The following GRID1 variants were observed in gnomAD, a reference collection of about 807,000 sequenced individuals.
The protein encoded by GRID1 is glutamate ionotropic receptor delta type subunit 1, also known as glutamate receptor ionotropic, delta-1.
In GRID1, 28 loss-of-function variants were observed where a neutral mutation model predicts 98.0. The ratio of observed to expected loss-of-function variants is 0.29; its 90% CI spans 0.21 to 0.39. The LOEUF (loss-of-function observed/expected upper bound fraction) is 0.39, where lower values mean the gene tolerates loss of function less well. GRID1 is among the 10% of genes least tolerant of loss of function. The pLI, the probability that GRID1 is intolerant of heterozygous loss-of-function variation, is 1.00. For missense variants in GRID1, 1,111 were observed against 1,340.5 expected, an observed-to-expected ratio of 0.83 and a Z score of 2.67; for synonymous variants, 553 against 538.5, an observed-to-expected ratio of 1.03 and a Z score of -0.37.
At chr10:86,273,564 T>C (rs1156651433) in intron 2 of GRID1, among the ~76,000 whole-genome samples, 1 of 150,946 alleles carries the variant, frequency 6.6e-6, no homozygotes, top group Non-Finnish European at 1.5e-5. Context: ...CCACATCCTC[T>C]CCAGCACCTG....
chr10:86,132,227 G>A (rs2131967267), intron 4 of GRID1, among the ~76,000 whole-genome samples: 1 of 152,194 alleles, frequency 6.6e-6, no homozygotes, highest in East Asian at 1.9e-4. Flanking sequence ...AGGATGGTGG[G>A]GACAGAGGAG....
chr10:86,187,318 A>G (rs1845738961), intron 3 of GRID1, among the ~76,000 whole-genome samples: 1 of 152,158 alleles, frequency 6.6e-6, no homozygotes, highest in South Asian at 2.1e-4. Context: ...AGCTCTCTAT[A>G]CCTTACAAGA....
chr10:85,609,619 C>G (rs1259021268), intron 15 of GRID1, among the ~76,000 whole-genome samples: 2 of 152,216 alleles, frequency 1.3e-5, no homozygotes, highest in African/African-American at 4.8e-5. Flanking sequence ...ACAGCCAGAA[C>G]AGAGGGGCCA....
chr10:86,153,954 GCT>G (rs1845206985), intron 3 of GRID1, among the ~76,000 whole-genome samples: 2 of 152,130 alleles, frequency 1.3e-5, no homozygotes, highest in Admixed American at 6.5e-5. Context: ...CCATCCTCGG[GCT>G]GATCCATCAC....
At chr10:85,686,225 C>A (rs899399076) in intron 12 of GRID1, among the ~76,000 whole-genome samples, 1 of 152,124 alleles carries the variant, frequency 6.6e-6, no homozygotes, top group Non-Finnish European at 1.5e-5. Flanking sequence ...CATACACAGC[C>A]TGCTTATGTG....
At chr10:86,164,061 T>C (rs950169361) in intron 3 of GRID1, among the ~76,000 whole-genome samples, 3 of 152,164 alleles carry the variant, frequency 2.0e-5, no homozygotes, top group Admixed American at 2.0e-4. Flanking sequence ...GGAACAGTTG[T>C]CAAAACAAAC....
At chr10:85,661,650 C>A (rs911453426) in intron 12 of GRID1, among the ~76,000 whole-genome samples, 7 of 152,186 alleles carry the variant, frequency 4.6e-5, no homozygotes, top group Non-Finnish European at 8.8e-5. Flanking sequence ...CCACAATGCA[C>A]CCAGTGGGGC....
At chr10:86,290,737 A>G (rs1847500615) in intron 2 of GRID1, among the ~76,000 whole-genome samples, 2 of 152,204 alleles carry the variant, frequency 1.3e-5, no homozygotes, top group Admixed American at 6.5e-5. Context: ...AGACCATGAT[A>G]TGTTTGGGAG....
intron 4 of GRID1, among the ~76,000 whole-genome samples, chr10:86,123,360 C>A (rs1213057471): frequency 6.6e-6 from 1 of 152,182 alleles, no homozygotes; most frequent in African/African-American, 2.4e-5. Flanking sequence ...TGGGATGTCC[C>A]ATATCACTAT....
intron 3 of GRID1, among the ~76,000 whole-genome samples, chr10:86,168,908 C>A (rs753075737): frequency 2.6e-5 from 4 of 152,172 alleles, no homozygotes; most frequent in Non-Finnish European, 4.4e-5. Context: ...ATGAGCTGGA[C>A]CTTGTGAGTT....
At chr10:86,112,083 T>C (rs1288256474) in intron 4 of GRID1, among the ~76,000 whole-genome samples, 1 of 152,068 alleles carries the variant, frequency 6.6e-6, no homozygotes, top group Non-Finnish European at 1.5e-5. Context: ...TGCCACAAAG[T>C]GTCTTAGATG....
intron 2 of GRID1, among the ~76,000 whole-genome samples, chr10:86,250,439 C>T (rs1231309828): frequency 2.0e-5 from 3 of 152,250 alleles, no homozygotes; most frequent in Non-Finnish European, 2.9e-5. Flanking sequence ...GTGTATTCAT[C>T]AGCCAAGAGA....
chr10:86,350,309 A>AG (rs1435247656), intron 2 of GRID1, among the ~76,000 whole-genome samples: 7 of 152,008 alleles, frequency 4.6e-5, no homozygotes, highest in Non-Finnish European at 7.4e-5. Context: ...CAGGAGAGGG[A>AG]GGTGGTTAGG....
chr10:86,106,299 C>A (rs1355604523), intron 4 of GRID1, among the ~76,000 whole-genome samples: 1 of 152,204 alleles, frequency 6.6e-6, no homozygotes, highest in Non-Finnish European at 1.5e-5. Context: ...CATCTCAATG[C>A]AATCACTAAA....
intron 4 of GRID1, among the ~76,000 whole-genome samples, chr10:86,012,424 G>GGA (rs1314180528): frequency 6.6e-6 from 1 of 152,144 alleles, no homozygotes; most frequent in Non-Finnish European, 1.5e-5. Context: ...TCTAACCCAT[G>GGA]GAGAGAGCTG....
chr10:86,112,594 C>G (rs375493345), intron 4 of GRID1, among the ~76,000 whole-genome samples: 1 of 135,628 alleles, frequency 7.4e-6, no homozygotes, highest in Admixed American at 8.5e-5. Flanking sequence ...ATGACAACTG[C>G]GGCCGAGCAG....
At chr10:85,796,130 G>A (rs925985113) in intron 8 of GRID1, among the ~76,000 whole-genome samples, 3 of 152,202 alleles carry the variant, frequency 2.0e-5, no homozygotes, top group African/African-American at 7.2e-5. Context: ...GGGGAATGGT[G>A]TGGAGAGAAT....
At chr10:85,793,584 C>T (rs182431143) in intron 8 of GRID1, among the ~76,000 whole-genome samples, 1 of 152,310 alleles carries the variant, frequency 6.6e-6, no homozygotes, top group East Asian at 1.9e-4. Flanking sequence ...TTTCCAGCCT[C>T]TTCAGGGTCT....
intron 8 of GRID1, among the ~76,000 whole-genome samples, chr10:85,771,961 A>T (rs1325610242): frequency 6.6e-6 from 1 of 152,176 alleles, no homozygotes; most frequent in African/African-American, 2.4e-5. Flanking sequence ...TTAGCTCTGC[A>T]CCAAGTGGAC....
Sources: gnomAD v4.1 joint callset for allele counts (sites outside exome capture counted in the v4.1 genomes callset) on GRCh38, gnomAD v4.1.1 for gene constraint, MANE v1.5 for transcripts, NCBI Gene and HGNC (gene_info 2026-07-23, HGNC 2026-07-21) for gene names.